The following TRPC7 variants were observed in gnomAD, a reference collection of about 807,000 sequenced individuals.
TRPC7 encodes the protein short transient receptor potential channel 7.
In TRPC7, 42 loss-of-function variants were observed where a neutral mutation model predicts 90.1. The observed-to-expected ratio is 0.47, with a 90% CI of 0.36 to 0.60. The LOEUF is 0.60. Ranked by LOEUF, TRPC7 falls within the 20% of genes least tolerant of loss-of-function variation. The pLI is 0.00. For missense variants in TRPC7, 955 were observed against 1,112.3 expected (o/e 0.86, Z 2.01); for synonymous variants, 451 against 436.3 (o/e 1.03, Z -0.42).
At chr5:136,360,704 A>G (rs984236218) in intron 1 of TRPC7, among the ~76,000 whole-genome samples, 1 of 152,148 alleles carries the variant, frequency 6.6e-6, no homozygotes, top group Non-Finnish European at 1.5e-5. Flanking sequence ...AAATCTTATG[A>G]GCCTTAGAGT....
intron 2 of TRPC7, among the ~76,000 whole-genome samples, chr5:136,340,912 A>G (rs1457670100): frequency 6.6e-6 from 1 of 152,198 alleles, no homozygotes; most frequent in African/African-American, 2.4e-5. Flanking sequence ...TCAAATTAAA[A>G]TGGCACTGAG....
chr5:136,279,129 C>G (rs556779766), intron 3 of TRPC7, among the ~76,000 whole-genome samples: 1 of 152,250 alleles, frequency 6.6e-6, no homozygotes, highest in Admixed American at 6.5e-5. Context: ...AAAGAGAGCT[C>G]TCTGTTCCTG....
chr5:136,295,055 G>A (rs1425973931), intron 3 of TRPC7, among the ~76,000 whole-genome samples: 1 of 151,976 alleles, frequency 6.6e-6, no homozygotes, highest in Non-Finnish European at 1.5e-5. Flanking sequence ...GCCAAACACT[G>A]CATGTTCTTA....
rs755952844 is a variant in TRPC7, at chr5:136,356,912, G to C, written c.476C>G (p.Thr159Arg). ...GGGCGTGATGTCGTGGGAGAAGCGC[G>C]TGCCGTCCTCGTCGTAGGCATAGAA... ...DDFYAYDEDG[T>R]RFSHDITPII... The change falls in exon 2 of 12, where the codon ACG (threonine) becomes AGG (arginine). Residue 159 changes from threonine (T) to arginine (R), a missense_variant. Thr to Arg is a moderately conservative substitution (Grantham distance 71, BLOSUM62 -1). Coordinates refer to ENST00000513104, the MANE Select transcript of TRPC7 (RefSeq NM_020389.3). 1 of 1,613,830 alleles carries C rather than the reference G, an allele frequency of 6.2e-7. No homozygotes were observed.
At chr5:136,310,347 A>G (rs1189077050) in intron 3 of TRPC7, among the ~76,000 whole-genome samples, 1 of 152,184 alleles carries the variant, frequency 6.6e-6, no homozygotes. Context: ...TTTTAAAAAT[A>G]CAACAGTGTG....
chr5:136,295,949 C>T (rs1580916429), intron 3 of TRPC7, among the ~76,000 whole-genome samples: 2 of 152,342 alleles, frequency 1.3e-5, no homozygotes, highest in Admixed American at 6.5e-5. Context: ...CGCCATCAAA[C>T]CTTACCACTA....
At chr5:136,262,704 AAAC>A (rs796300585) in intron 5 of TRPC7, among the ~76,000 whole-genome samples, 53 of 152,342 alleles carry the variant, frequency 3.5e-4, no homozygotes, top group African/African-American at 1.2e-3. Context: ...AAAAACAACA[AAAC>A]AAAAGCAAAC....
chr5:136,291,922 C>T (rs1284235192), intron 3 of TRPC7, among the ~76,000 whole-genome samples: 2 of 152,016 alleles, frequency 1.3e-5, no homozygotes, highest in Non-Finnish European at 2.9e-5. Flanking sequence ...TGTAAAAGAA[C>T]AGAAATTATA....
At chr5:136,264,730 T>C (rs938384796) in intron 5 of TRPC7, among the ~76,000 whole-genome samples, 1 of 152,082 alleles carries the variant, frequency 6.6e-6, no homozygotes, top group Non-Finnish European at 1.5e-5. Context: ...GTAGCTGGGA[T>C]TACAGGCGCA....
intron 5 of TRPC7, among the ~76,000 whole-genome samples, chr5:136,263,063 T>C (rs1490638748): frequency 1.3e-5 from 2 of 152,220 alleles, no homozygotes; most frequent in African/African-American, 4.8e-5. Context: ...GTTTGTTGAA[T>C]ACCAAGTCAT....
At chr5:136,284,541 C>T (rs1045329046) in intron 3 of TRPC7, among the ~76,000 whole-genome samples, 1 of 152,242 alleles carries the variant, frequency 6.6e-6, no homozygotes, top group Admixed American at 6.5e-5. Flanking sequence ...CAAATATCTA[C>T]TGAGCCAAGC....
At chr5:136,287,139 C>T (rs1488239305) in intron 3 of TRPC7, among the ~76,000 whole-genome samples, 2 of 152,104 alleles carry the variant, frequency 1.3e-5, no homozygotes, top group Non-Finnish European at 2.9e-5. Context: ...GTCTGAATAA[C>T]CTTCCTGGGA....
At chr5:136,360,145 G>A (rs1760523803) in intron 1 of TRPC7, among the ~76,000 whole-genome samples, 1 of 152,244 alleles carries the variant, frequency 6.6e-6, no homozygotes, top group Non-Finnish European at 1.5e-5. Context: ...AATGACTACT[G>A]AACCAAGTCA....
At chr5:136,302,808 G>A (rs1758446267) in intron 3 of TRPC7, among the ~76,000 whole-genome samples, 1 of 152,100 alleles carries the variant, frequency 6.6e-6, no homozygotes, top group Non-Finnish European at 1.5e-5. Flanking sequence ...CTGACGTCCA[G>A]GCATTCTTTT....
chr5:136,299,191 C>T (rs1436541975), intron 3 of TRPC7, among the ~76,000 whole-genome samples: 2 of 151,788 alleles, frequency 1.3e-5, no homozygotes, highest in African/African-American at 2.4e-5. Context: ...ATCCCAGCTA[C>T]TCGGGAGGCT....
At chr5:136,323,235 T>C (rs935687134) in intron 2 of TRPC7, among the ~76,000 whole-genome samples, 2 of 152,262 alleles carry the variant, frequency 1.3e-5, no homozygotes, top group African/African-American at 4.8e-5. Context: ...TTGGCCATGA[T>C]TGGGGCCTCC....
At chr5:136,312,596 G>C (rs1475787933) in intron 3 of TRPC7, among the ~76,000 whole-genome samples, 1 of 152,228 alleles carries the variant, frequency 6.6e-6, no homozygotes, top group African/African-American at 2.4e-5. Flanking sequence ...ACAGGGTTAG[G>C]AGAATCAGGC....
intron 3 of TRPC7, among the ~76,000 whole-genome samples, chr5:136,312,582 G>T (rs1327902928): frequency 6.6e-6 from 1 of 152,180 alleles, no homozygotes; most frequent in Non-Finnish European, 1.5e-5. Context: ...ACTTGCCCAA[G>T]ACCACAGGGT....
intron 2 of TRPC7, among the ~76,000 whole-genome samples, chr5:136,326,782 A>G (rs1249940662): frequency 6.6e-6 from 1 of 152,176 alleles, no homozygotes; most frequent in Admixed American, 6.5e-5. Context: ...CAACAAGTCA[A>G]GAGAGGGGCA....
Sources: gnomAD v4.1 joint callset for allele counts (sites outside exome capture counted in the v4.1 genomes callset) on GRCh38, gnomAD v4.1.1 for gene constraint, MANE v1.5 for transcripts, NCBI Gene and HGNC (gene_info 2026-07-23, HGNC 2026-07-21) for gene names.